Variants in NUBPL observed in about 807,000 individuals in gnomAD.
NUBPL encodes the protein NUBP iron-sulfur cluster assembly factor, mitochondrial, also known as iron-sulfur cluster transfer protein NUBPL.
In NUBPL, 31 loss-of-function variants were observed where a neutral mutation model predicts 45.7. That is an observed-to-expected ratio of 0.68 (90% CI 0.51 to 0.92). The LOEUF (loss-of-function observed/expected upper bound fraction) is 0.92. Among genes scored for constraint, NUBPL ranks in the 40% least tolerant of loss-of-function variants. The pLI is 0.00. For missense variants in NUBPL, 401 were observed against 398.7 expected, an observed-to-expected ratio of 1.01 and a Z score of -0.05; for synonymous variants, 144 against 140.9, an observed-to-expected ratio of 1.02 and a Z score of -0.15.
intron 7 of NUBPL, chr14:31,801,028 T>A (rs952284189): frequency 1.1e-4 from 16 of 152,116 alleles, no homozygotes; most frequent in African/African-American, 3.9e-4. Context: ...CAGTACAAGT[T>A]GTTATTGCCC....
intron 6 of NUBPL, among the ~76,000 whole-genome samples, chr14:31,752,816 A>G (rs1252740790): frequency 6.6e-6 from 1 of 152,242 alleles, no homozygotes; most frequent in African/African-American, 2.4e-5. Context: ...ATTAATGAAG[A>G]AAAAAGGTTT....
chr14:31,624,192 G>T (rs1485581815), intron 4 of NUBPL, among the ~76,000 whole-genome samples: 1 of 152,118 alleles, frequency 6.6e-6, no homozygotes, highest in Non-Finnish European at 1.5e-5. Context: ...AATAGACCTT[G>T]GTAATTTATT....
At chr14:31,808,918 T>G (rs752619882) in intron 7 of NUBPL, among the ~76,000 whole-genome samples, 13 of 152,184 alleles carry the variant, frequency 8.5e-5, no homozygotes, top group Middle Eastern at 3.2e-3. Context: ...ATGGATTACG[T>G]TTATTGATTT....
intron 6 of NUBPL, among the ~76,000 whole-genome samples, chr14:31,785,894 C>T: frequency 6.6e-6 from 1 of 152,140 alleles, no homozygotes. Context: ...CACGGTGACT[C>T]ATGCCTGTAA....
At chr14:31,668,530 T>G (rs1481851016) in intron 4 of NUBPL, among the ~76,000 whole-genome samples, 1 of 152,166 alleles carries the variant, frequency 6.6e-6, no homozygotes, top group African/African-American at 2.4e-5. Context: ...ACCACTTGGC[T>G]CCCTGGGTTC....
chr14:31,764,558 A>C (rs1389967451), intron 6 of NUBPL, among the ~76,000 whole-genome samples: 2 of 152,208 alleles, frequency 1.3e-5, no homozygotes, highest in African/African-American at 4.8e-5. Flanking sequence ...ATATAAGATA[A>C]ATATGAAGAC....
intron 4 of NUBPL, among the ~76,000 whole-genome samples, chr14:31,624,279 C>G (rs1019567206): frequency 6.6e-6 from 1 of 152,022 alleles, no homozygotes; most frequent in African/African-American, 2.4e-5. Flanking sequence ...TATTATCCAT[C>G]AGGATAGAGC....
At chr14:31,701,725 A>G (rs1163819902) in intron 6 of NUBPL, among the ~76,000 whole-genome samples, 1 of 152,190 alleles carries the variant, frequency 6.6e-6, no homozygotes, top group Non-Finnish European at 1.5e-5. Flanking sequence ...CGAGACCACG[A>G]ACCCACCAGT....
rs545071168 is a variant in NUBPL at position 31,755,776 on chromosome 14, G to A, written c.514-32004G>A. On this transcript the variant is annotated intron_variant, in intron 6 of 10. Coordinates refer to ENST00000281081, the MANE Select transcript of NUBPL (RefSeq NM_025152.3). Reference sequence around the variant, plus strand: ...TTTTAGACATGAAGTCCTTGCCCATGCCTATGTCCTGAATGGTAATGCCTA... The same window carrying A: ...TTTTAGACATGAAGTCCTTGCCCATACCTATGTCCTGAATGGTAATGCCTA... 6.5e-3 allele frequency among the ~76,000 whole-genome samples: 990 copies of A among 151,800 alleles called. 11 individuals are homozygous for A. The highest frequency in any genetic ancestry group is 0.022 in the African/African-American group (927 of 41,232).
At chr14:31,756,071 G>T in intron 6 of NUBPL, among the ~76,000 whole-genome samples, 1 of 151,736 alleles carries the variant, frequency 6.6e-6, no homozygotes, top group African/African-American at 2.4e-5. Context: ...CTCTGTTTTG[G>T]TACCAGTACC....
chr14:31,710,490 C>T (rs940544054), intron 6 of NUBPL, among the ~76,000 whole-genome samples: 1 of 152,092 alleles, frequency 6.6e-6, no homozygotes, highest in Non-Finnish European at 1.5e-5. Flanking sequence ...TTTAGTGACC[C>T]TTACTGACGC....
At chr14:31,583,769 G>C (rs1322968946) in intron 3 of NUBPL, among the ~76,000 whole-genome samples, 2 of 152,122 alleles carry the variant, frequency 1.3e-5, no homozygotes, top group Non-Finnish European at 2.9e-5. Context: ...AGAGCATGGT[G>C]ATATCTTGGA....
chr14:31,816,310 A>G (rs1464233966), intron 7 of NUBPL, among the ~76,000 whole-genome samples: 4 of 152,088 alleles, frequency 2.6e-5, no homozygotes, highest in Admixed American at 2.0e-4. Flanking sequence ...GTTCTAGTTT[A>G]TTTGCATAGA....
chr14:31,623,650 G>A (rs909743133), intron 4 of NUBPL, among the ~76,000 whole-genome samples: 2 of 152,142 alleles, frequency 1.3e-5, no homozygotes, highest in African/African-American at 4.8e-5. Flanking sequence ...ATGATTGTAA[G>A]TTTCCTGAGG....
chr14:31,645,210 C>T (rs932790376), intron 4 of NUBPL, among the ~76,000 whole-genome samples: 24 of 151,972 alleles, frequency 1.6e-4, no homozygotes, highest in African/African-American at 4.1e-4. Context: ...GGACTACAGG[C>T]GCCCGCCACC....
intron 6 of NUBPL, among the ~76,000 whole-genome samples, chr14:31,704,817 A>C (rs1425957879): frequency 6.6e-6 from 1 of 152,144 alleles, no homozygotes; most frequent in Non-Finnish European, 1.5e-5. Context: ...TTAACATCCC[A>C]GTGTGTCTGG....
At chr14:31,798,982 C>G (rs2039527349) in intron 7 of NUBPL, among the ~76,000 whole-genome samples, 1 of 151,696 alleles carries the variant, frequency 6.6e-6, no homozygotes, top group African/African-American at 2.4e-5. Context: ...TTTCTAGAAA[C>G]TACAGGAACA....
intron 4 of NUBPL, among the ~76,000 whole-genome samples, chr14:31,613,945 T>G (rs1328770998): frequency 6.6e-6 from 1 of 151,982 alleles, no homozygotes; most frequent in African/African-American, 2.4e-5. Context: ...GAGATATATA[T>G]ATATATAGAA....
intron 6 of NUBPL, among the ~76,000 whole-genome samples, chr14:31,745,099 T>C (rs903590957): frequency 3.1e-4 from 47 of 151,992 alleles, no homozygotes; most frequent in Non-Finnish European, 6.2e-4. Context: ...ATGTGCACAA[T>C]GTGCAGGTTT....
Sources: allele counts gnomAD v4.1 joint callset (sites outside exome capture counted in the v4.1 genomes callset), GRCh38; gene constraint gnomAD v4.1.1; transcripts MANE v1.5; gene names NCBI Gene and HGNC (gene_info 2026-07-23, HGNC 2026-07-21).